ABL2: variants seen among roughly 807,000 people sequenced by gnomAD.
The protein encoded by ABL2 is tyrosine-protein kinase ABL2.
Under a neutral mutation model 107.7 loss-of-function variants are expected in ABL2, and 49 were observed. That is an observed-to-expected ratio of 0.45 (90% CI 0.36 to 0.58). The LOEUF is 0.58. Among genes scored for constraint, ABL2 ranks in the 20% least tolerant of loss-of-function variants. The pLI is 0.00. For synonymous variants in ABL2, 549 were observed against 548.6 expected, an observed-to-expected ratio of 1.00 and a Z score of -0.01; for missense variants, 1,245 against 1,457.0, an observed-to-expected ratio of 0.85 and a Z score of 2.37.
At chr1:179,191,995 C>T (rs1422983138) in intron 1 of ABL2, among the ~76,000 whole-genome samples, 2 of 152,126 alleles carry the variant, frequency 1.3e-5, no homozygotes, top group East Asian at 1.9e-4. Flanking sequence ...AAGAAAAATA[C>T]ATTTAATTGC....
intron 1 of ABL2, among the ~76,000 whole-genome samples, chr1:179,210,705 T>C (rs928040482): frequency 6.6e-6 from 1 of 151,490 alleles, no homozygotes; most frequent in African/African-American, 2.4e-5. Flanking sequence ...ACAAAAAAAA[T>C]GAGCTGGGCT....
rs1308623275 is a variant in ABL2 at position 179,203,615 on chromosome 1, G to A, written c.157+25626C>T. Among the ~76,000 whole-genome samples the A allele has an allele frequency of 2.0e-5, 3 of 151,872 alleles. No individual in the cohort carries two copies. The East Asian group carries it at 5.8e-4, about 29-fold the overall frequency. On this transcript the variant is annotated intron_variant, in intron 1 of 11. Coordinates refer to ENST00000502732, the MANE Select transcript of ABL2 (RefSeq NM_007314.4). ...TTATTGTAACAAGCTATGCAAAGAA[G>A]CCCATGCATTAAGAAAGGCATCTTG...
rs869095809 is a variant in ABL2, at chr1:179,101,996, C to CTTTTTTTTTTTTTTTTTTTTTT, written c.*5700_*5721dup. ...AAAAGCAAGCTTTGCATTAGAATTT[C>CTTTTTTTTTTTTTTTTTTTTTT]TTTTTTTTTTTTTTTTTTTTTTTTT... On this transcript the variant is annotated 3_prime_UTR_variant, in exon 12 of 12. Transcript: ENST00000502732. 8 of 53,886 alleles carry CTTTTTTTTTTTTTTTTTTTTTT rather than the reference C, an allele frequency of 1.5e-4. No homozygotes were observed. Among genetic ancestry groups the CTTTTTTTTTTTTTTTTTTTTTT allele is most frequent in the East Asian group, 8.3e-4 (1 of 1,212 alleles). The allele number at this position is 53,886 out of a possible 1,614,324, so 3.3% of individuals were successfully genotyped here.
At chr1:179,144,181 G>C (rs73038859) in intron 1 of ABL2, among the ~76,000 whole-genome samples, 12,966 of 152,158 alleles carry the variant, frequency 0.085, 566 homozygotes, top group Middle Eastern at 0.11. Flanking sequence ...TTGTAGGCCA[G>C]GGGCGGTGGC....
intron 1 of ABL2, among the ~76,000 whole-genome samples, chr1:179,167,983 AC>A (rs1659492043): frequency 6.6e-6 from 1 of 152,226 alleles, no homozygotes; most frequent in African/African-American, 2.4e-5. Flanking sequence ...CATCTCAAAA[AC>A]AAACAAACAA....
chr1:179,206,323 C>A (rs2102856534), intron 1 of ABL2, among the ~76,000 whole-genome samples: 1 of 152,114 alleles, frequency 6.6e-6, no homozygotes, highest in East Asian at 1.9e-4. Flanking sequence ...ATTCTGAAAT[C>A]CCCACCCCCT....
intron 1 of ABL2, among the ~76,000 whole-genome samples, chr1:179,161,448 C>T (rs564050344): frequency 2.6e-5 from 4 of 151,942 alleles, no homozygotes; most frequent in African/African-American, 4.8e-5. Context: ...CCAGGTGTGG[C>T]GGCTCACACC....
chr1:179,225,497 A>T (rs1458506554), intron 1 of ABL2, among the ~76,000 whole-genome samples: 1 of 152,212 alleles, frequency 6.6e-6, no homozygotes, highest in Non-Finnish European at 1.5e-5. Flanking sequence ...AATCTAATTC[A>T]TTCATTCATT....
intron 1 of ABL2, among the ~76,000 whole-genome samples, chr1:179,158,964 A>G (rs1228903263): frequency 6.6e-6 from 1 of 152,212 alleles, no homozygotes. Context: ...GTGTGAGGCA[A>G]TATGAAATTA....
chr1:179,148,360 G>T (rs991698718), intron 1 of ABL2, among the ~76,000 whole-genome samples: 4 of 152,046 alleles, frequency 2.6e-5, no homozygotes, highest in Admixed American at 6.6e-5. Flanking sequence ...TTTCCATCAA[G>T]TGCTCACTTC....
intron 1 of ABL2, among the ~76,000 whole-genome samples, chr1:179,180,683 G>A (rs894091242): frequency 1.3e-5 from 2 of 151,950 alleles, no homozygotes; most frequent in African/African-American, 2.4e-5. Context: ...AATAATAGAG[G>A]ATATTAAAAC....
intron 1 of ABL2, among the ~76,000 whole-genome samples, chr1:179,149,154 T>C (rs1397611669): frequency 6.6e-6 from 1 of 152,138 alleles, no homozygotes; most frequent in Non-Finnish European, 1.5e-5. Flanking sequence ...ACAAACATGA[T>C]AGGAAAGTGA....
intron 9 of ABL2, 63 bp from the exon 10 acceptor site, chr1:179,112,461 C>A (rs1654183602): frequency 3.0e-6 from 4 of 1,331,660 alleles, no homozygotes; most frequent in Non-Finnish European, 4.3e-6. Flanking sequence ...AGTGGTGTAT[C>A]TAATAATGAG....
At chr1:179,218,425 C>G (rs1257976882) in intron 1 of ABL2, among the ~76,000 whole-genome samples, 1 of 152,098 alleles carries the variant, frequency 6.6e-6, no homozygotes, top group African/African-American at 2.4e-5. Flanking sequence ...TTGAGACAGT[C>G]TCGCTCTGTC....
In ABL2 at chr1:179,105,832, A is replaced by G. The variant is rs150627562; in HGVS notation, c.*1886T>C. ...TTCTAGCCCAATTCATATAATCTCAACAATTCTTAATTTCATTAATATTTT... is the reference window on the plus strand; with the variant it reads ...TTCTAGCCCAATTCATATAATCTCAGCAATTCTTAATTTCATTAATATTTT... On this transcript the variant is annotated 3_prime_UTR_variant, in exon 12 of 12. Transcript: ENST00000502732. 1.2e-4 allele frequency: 28 copies of G among 224,990 alleles called. No individual in the cohort carries two copies. The highest frequency in any genetic ancestry group is 4.0e-4 in the African/African-American group (18 of 45,002). 13.9% of individuals were successfully genotyped at this position (224,990 alleles called of 1,614,324 possible). A position where few individuals can be genotyped will look rare whatever the true frequency, so the allele number is the denominator to read the frequency against.
chr1:179,198,632 G>A lies in ABL2; in HGVS notation c.157+30609C>T, dbSNP rs1243947537. Reference sequence around the variant, plus strand: ...TGCTGGAACCAGGGGGGCAGAGGCTGCAGTGAGCCGAGATCACGCCACTGC... The same window carrying A: ...TGCTGGAACCAGGGGGGCAGAGGCTACAGTGAGCCGAGATCACGCCACTGC... On this transcript the variant is annotated intron_variant, in intron 1 of 11. Coordinates refer to ENST00000502732, the MANE Select transcript of ABL2 (RefSeq NM_007314.4). Among the ~76,000 whole-genome samples, 7 of 131,100 alleles carry A rather than the reference G, an allele frequency of 5.3e-5. No individual in the cohort carries two copies. In the East Asian group the frequency reaches 1.8e-3, roughly 33 times the overall value. 86.0% of individuals were successfully genotyped at this position (131,100 alleles called of 152,430 possible). A position where few individuals can be genotyped will look rare whatever the true frequency, so the allele number is the denominator to read the frequency against.
intron 1 of ABL2, among the ~76,000 whole-genome samples, chr1:179,174,921 AAT>A (rs1557975414): frequency 1.8e-3 from 214 of 121,926 alleles, no homozygotes; most frequent in Non-Finnish European, 2.9e-3. Context: ...AAATAAAAAA[AAT>A]AATAATAATA....
chr1:179,178,760 TG>T (rs551418733), intron 1 of ABL2, among the ~76,000 whole-genome samples: 51 of 150,602 alleles, frequency 3.4e-4, no homozygotes, highest in African/African-American at 7.1e-4. Flanking sequence ...TGTGGTGGGC[TG>T]GGGGGGGTGC....
At chr1:179,209,499 G>A (rs1463063145) in intron 1 of ABL2, among the ~76,000 whole-genome samples, 1 of 152,082 alleles carries the variant, frequency 6.6e-6, no homozygotes, top group African/African-American at 2.4e-5. Flanking sequence ...TGCTGTAGTG[G>A]TCTCAGCCAT....
Sources: gnomAD v4.1 joint callset for allele counts (sites outside exome capture counted in the v4.1 genomes callset) on GRCh38, gnomAD v4.1.1 for gene constraint, MANE v1.5 for transcripts, NCBI Gene and HGNC (gene_info 2026-07-23, HGNC 2026-07-21) for gene names.